Variants in L3MBTL4 observed in about 807,000 individuals in gnomAD.
L3MBTL4 encodes the protein lethal(3)malignant brain tumor-like protein 4.
Under a neutral mutation model 84.5 loss-of-function variants are expected in L3MBTL4, and 70 were observed. That is an observed-to-expected ratio of 0.83 (90% CI 0.68 to 1.01). The LOEUF (loss-of-function observed/expected upper bound fraction) is 1.01, where lower values mean the gene tolerates loss of function less well. Among genes scored for constraint, L3MBTL4 ranks in the 50% least tolerant of loss-of-function variants. The pLI is 0.00. For missense variants in L3MBTL4, 715 were observed against 754.8 expected (o/e 0.95, Z 0.62); for synonymous variants, 274 against 259.8 (o/e 1.05, Z -0.52).
rs78555904 is a variant in L3MBTL4 at position 6,039,278 on chromosome 18, T to C, written c.1444+41603A>G. On this transcript the variant is annotated intron_variant, in intron 16 of 18. Transcript: ENST00000317931. ...CCTGAGCTGACTAATACAGTTGCTATCTAGGATTGCCTGTGATTAAAACAC... is the reference window on the plus strand; with the variant it reads ...CCTGAGCTGACTAATACAGTTGCTACCTAGGATTGCCTGTGATTAAAACAC... Among the ~76,000 whole-genome samples the C allele has an allele frequency of 7.1e-3, 1,077 of 152,150 alleles. 8 individuals carry two copies. The highest frequency in any genetic ancestry group is 0.038 in the Middle Eastern group (11 of 292).
chr18:6,311,512 G>T, intron 3 of L3MBTL4, 42 bp downstream of exon 3: 2 of 1,538,528 alleles, frequency 1.3e-6, no homozygotes, highest in South Asian at 1.1e-5. Flanking sequence ...TTTTGGTAGC[G>T]ATCACACACT....
At chr18:6,165,682 A>T (rs1838752009) in intron 13 of L3MBTL4, among the ~76,000 whole-genome samples, 1 of 152,238 alleles carries the variant, frequency 6.6e-6, no homozygotes, top group Admixed American at 6.5e-5. Flanking sequence ...TGAAGGAAGC[A>T]CTAAACATGG....
At chr18:6,159,997 C>T (rs1368398146) in intron 13 of L3MBTL4, among the ~76,000 whole-genome samples, 2 of 152,166 alleles carry the variant, frequency 1.3e-5, no homozygotes, top group East Asian at 3.9e-4. Context: ...GTGTTTAAAA[C>T]AAGGGCTGAA....
intron 15 of L3MBTL4, among the ~76,000 whole-genome samples, chr18:6,082,104 C>T (rs941835796): frequency 2.6e-5 from 4 of 152,086 alleles, no homozygotes; most frequent in Non-Finnish European, 4.4e-5. Flanking sequence ...TATTTAAATG[C>T]TCAATCTTAG....
chr18:6,018,561 C>T (rs573095922), intron 16 of L3MBTL4, among the ~76,000 whole-genome samples: 8 of 152,298 alleles, frequency 5.3e-5, no homozygotes, highest in African/African-American at 7.2e-5. Flanking sequence ...AAGTGAAAGA[C>T]GTTCCGTGTG....
chr18:6,060,365 T>C (rs142613696), intron 16 of L3MBTL4, among the ~76,000 whole-genome samples: 24 of 152,096 alleles, frequency 1.6e-4, no homozygotes, highest in African/African-American at 5.1e-4. Context: ...TGAGTCATTA[T>C]GAAGATACGA....
chr18:6,016,339 T>A (rs1483419129), intron 16 of L3MBTL4, among the ~76,000 whole-genome samples: 1 of 152,216 alleles, frequency 6.6e-6, no homozygotes. Flanking sequence ...TGGTCACTCC[T>A]TAGGCACCAT....
At chr18:5,998,186 G>C (rs553994392) in intron 16 of L3MBTL4, among the ~76,000 whole-genome samples, 2 of 152,150 alleles carry the variant, frequency 1.3e-5, no homozygotes, top group African/African-American at 4.8e-5. Flanking sequence ...AGGTATGGCC[G>C]ATGCTGCATC....
chr18:6,279,669 T>C lies in L3MBTL4; in HGVS notation c.128-15631A>G, dbSNP rs116784541. Among the ~76,000 whole-genome samples the C allele has an allele frequency of 9.0e-3, 1,363 of 152,242 alleles. 14 individuals carry two copies. Among genetic ancestry groups the C allele is most frequent in the African/African-American group, 0.03 (1,266 of 41,538 alleles). On this transcript the variant is annotated intron_variant, in intron 4 of 18. Transcript: ENST00000317931. Reference sequence around the variant, plus strand: ...GGGGAAGGAAGGTCTATGAATGTAATTTGCATCACTGAGACTCCATAAAAT... The same window carrying C: ...GGGGAAGGAAGGTCTATGAATGTAACTTGCATCACTGAGACTCCATAAAAT...
chr18:6,051,105 T>C (rs1477740378), intron 16 of L3MBTL4, among the ~76,000 whole-genome samples: 2 of 152,184 alleles, frequency 1.3e-5, no homozygotes, highest in African/African-American at 2.4e-5. Flanking sequence ...GTGTCTTTAG[T>C]GTATGCTAGT....
At chr18:6,257,914 G>A (rs992402034) in intron 5 of L3MBTL4, among the ~76,000 whole-genome samples, 5 of 152,190 alleles carry the variant, frequency 3.3e-5, no homozygotes, top group Non-Finnish European at 7.4e-5. Flanking sequence ...CCAAAGTGCT[G>A]GGATTAGAGG....
chr18:6,179,445 T>A (rs1019746173), intron 12 of L3MBTL4, among the ~76,000 whole-genome samples: 2 of 152,214 alleles, frequency 1.3e-5, no homozygotes, highest in Non-Finnish European at 2.9e-5. Context: ...AGATTATAGT[T>A]CATCTTACTT....
chr18:6,133,333 TCACACA>T (rs71699994), intron 14 of L3MBTL4, among the ~76,000 whole-genome samples: 1 of 146,690 alleles, frequency 6.8e-6, no homozygotes, highest in Non-Finnish European at 1.5e-5. Flanking sequence ...CAGCTCTAGA[TCACACA>T]CACACACACA....
At chr18:6,269,191 G>A (rs144224558) in intron 4 of L3MBTL4, among the ~76,000 whole-genome samples, 1,957 of 152,252 alleles carry the variant, frequency 0.013, 41 homozygotes, top group African/African-American at 0.044. Flanking sequence ...TGCCAGGCGC[G>A]GTGGCTCACG....
At chr18:6,144,514 A>G (rs564004387) in intron 13 of L3MBTL4, among the ~76,000 whole-genome samples, 1 of 152,358 alleles carries the variant, frequency 6.6e-6, no homozygotes, top group East Asian at 1.9e-4. Flanking sequence ...ATAATGAATA[A>G]TGCTTTACCC....
intron 4 of L3MBTL4, among the ~76,000 whole-genome samples, chr18:6,300,986 T>G (rs1466524824): frequency 6.6e-6 from 1 of 152,154 alleles, no homozygotes; most frequent in Non-Finnish European, 1.5e-5. Context: ...GAAAAGAAAT[T>G]TAAAGCACCA....
intron 16 of L3MBTL4, among the ~76,000 whole-genome samples, chr18:6,063,299 C>CTGTGTGTGTGTGTGTG (rs61413638): frequency 2.9e-4 from 41 of 141,244 alleles, no homozygotes; most frequent in African/African-American, 9.6e-4. Flanking sequence ...CTATAAATAT[C>CTGTGTGTGTGTGTGTG]TGTGTGTGTG....
intron 12 of L3MBTL4, among the ~76,000 whole-genome samples, chr18:6,192,841 G>C (rs2045182984): frequency 6.6e-6 from 1 of 152,092 alleles, no homozygotes; most frequent in Non-Finnish European, 1.5e-5. Flanking sequence ...ACAAGAAAGG[G>C]AGAGGAGTGG....
intron 14 of L3MBTL4, among the ~76,000 whole-genome samples, chr18:6,102,693 C>T (rs2071279530): frequency 1.3e-5 from 2 of 152,204 alleles, no homozygotes; most frequent in Non-Finnish European, 1.5e-5. Context: ...ATGAACTCTG[C>T]AGCTGGTGCA....
Sources: allele counts gnomAD v4.1 joint callset (sites outside exome capture counted in the v4.1 genomes callset), GRCh38; gene constraint gnomAD v4.1.1; transcripts MANE v1.5; gene names NCBI Gene and HGNC (gene_info 2026-07-23, HGNC 2026-07-21).